The following PALM2AKAP2 variants were observed in gnomAD, a reference collection of about 807,000 sequenced individuals.
PALM2AKAP2 encodes PALM2-AKAP2 fusion protein.
Under a neutral mutation model 71.5 loss-of-function variants are expected in PALM2AKAP2, and 37 were observed. The ratio of observed to expected loss-of-function variants is 0.52; its 90% CI spans 0.40 to 0.68. The LOEUF is 0.68. Among genes scored for constraint, PALM2AKAP2 ranks in the 30% least tolerant of loss-of-function variants. The pLI, the probability that PALM2AKAP2 is intolerant of heterozygous loss-of-function variation, is 0.00. For missense variants in PALM2AKAP2, 1,224 were observed against 1,191.8 expected (o/e 1.03, Z -0.40); for synonymous variants, 468 against 478.8 (o/e 0.98, Z 0.29).
intron 6 of PALM2AKAP2, among the ~76,000 whole-genome samples, chr9:110,000,495 C>A (rs1225156592): frequency 2.0e-5 from 3 of 152,132 alleles, no homozygotes; most frequent in African/African-American, 7.2e-5. Context: ...GTCTTTATAG[C>A]AGCATGATTT....
At chr9:109,881,859 T>G (rs1464628838) in intron 3 of PALM2AKAP2, among the ~76,000 whole-genome samples, 1 of 148,708 alleles carries the variant, frequency 6.7e-6, no homozygotes, top group Non-Finnish European at 1.5e-5. Flanking sequence ...CATCTCTGTC[T>G]TCTGAGCTTA....
intron 1 of PALM2AKAP2, among the ~76,000 whole-genome samples, chr9:109,755,195 A>G (rs1206057893): frequency 6.6e-6 from 1 of 152,066 alleles, no homozygotes; most frequent in African/African-American, 2.4e-5. Context: ...AATGTAAACC[A>G]GAAAATGCCA....
At chr9:109,650,760 T>C in intron 1 of PALM2AKAP2, among the ~76,000 whole-genome samples, 1 of 152,156 alleles carries the variant, frequency 6.6e-6, no homozygotes, top group Non-Finnish European at 1.5e-5. Context: ...CAATTTTTCC[T>C]TCTTTTAGTT....
Position 109,693,403 on chromosome 9 carries a change from G to T in PALM2AKAP2, c.5+52537G>T, listed in dbSNP as rs80182023. 2.2e-4 allele frequency among the ~76,000 whole-genome samples: 34 copies of T among 151,916 alleles called. No individual in the cohort carries two copies. In the East Asian group the frequency reaches 5.2e-3, roughly 23 times the overall value. On this transcript the variant is annotated intron_variant, in intron 1 of 6. Transcript: ENST00000374531. ...TATCAATTTTGCTGACTTTTTCAAA[G>T]AACTGTAATTGATTTGCTTTATTTT...
At chr9:109,661,976 A>G (rs1019900852) in intron 1 of PALM2AKAP2, among the ~76,000 whole-genome samples, 2 of 151,456 alleles carry the variant, frequency 1.3e-5, no homozygotes, top group African/African-American at 4.9e-5. Flanking sequence ...TTGTCTGTTA[A>G]TGGTGTATAA....
intron 5 of PALM2AKAP2, among the ~76,000 whole-genome samples, chr9:109,931,074 G>A (rs1831089773): frequency 6.6e-6 from 1 of 152,208 alleles, no homozygotes; most frequent in African/African-American, 2.4e-5. Context: ...ATGGTGCCCA[G>A]CTTTCCGGAA....
At chr9:109,718,249 T>A (rs1180602127) in intron 1 of PALM2AKAP2, among the ~76,000 whole-genome samples, 5 of 151,978 alleles carry the variant, frequency 3.3e-5, no homozygotes, top group African/African-American at 1.2e-4. Flanking sequence ...CCTGCCTAAT[T>A]TTTTTGTATT....
intron 1 of PALM2AKAP2, among the ~76,000 whole-genome samples, chr9:109,704,117 T>G (rs773113141): frequency 6.6e-6 from 1 of 151,966 alleles, no homozygotes; most frequent in African/African-American, 2.4e-5. Flanking sequence ...ACTGGGAGCT[T>G]GAGATGGAGT....
intron 1 of PALM2AKAP2, among the ~76,000 whole-genome samples, chr9:109,664,303 G>T (rs1827444308): frequency 6.6e-6 from 1 of 152,128 alleles, no homozygotes; most frequent in African/African-American, 2.4e-5. Context: ...TTACAGTTTT[G>T]CCTGTTTTTG....
upstream of PALM2AKAP2, among the ~76,000 whole-genome samples, chr9:110,046,464 CTTT>C (rs10601764): frequency 1.2e-3 from 130 of 104,670 alleles, no homozygotes; most frequent in Middle Eastern, 0.011. Context: ...GATTGCTTTA[CTTT>C]TTTTTTTTTT....
At chr9:109,641,444 C>G (rs896495385) in intron 1 of PALM2AKAP2, among the ~76,000 whole-genome samples, 1 of 152,178 alleles carries the variant, frequency 6.6e-6, no homozygotes, top group Non-Finnish European at 1.5e-5. Flanking sequence ...GGCGGCAGCC[C>G]GGAGTGGAAT....
At chr9:109,886,500 G>T (rs1375378232) in intron 3 of PALM2AKAP2, among the ~76,000 whole-genome samples, 1 of 152,210 alleles carries the variant, frequency 6.6e-6, no homozygotes, top group African/African-American at 2.4e-5. Context: ...AACCTTATCA[G>T]TTGGGGGCAG....
chr9:109,646,131 G>A (rs1827149980), intron 1 of PALM2AKAP2, among the ~76,000 whole-genome samples: 1 of 152,092 alleles, frequency 6.6e-6, no homozygotes, highest in African/African-American at 2.4e-5. Flanking sequence ...AAGACCTACT[G>A]GAAAACCAGA....
chr9:109,969,532 G>A (rs957490763), intron 6 of PALM2AKAP2, among the ~76,000 whole-genome samples: 13 of 152,200 alleles, frequency 8.5e-5, no homozygotes, highest in African/African-American at 2.7e-4. Flanking sequence ...AAACTCAGTC[G>A]TTCACGGGGC....
chr9:110,004,428 G>T (rs1832739680), intron 6 of PALM2AKAP2, among the ~76,000 whole-genome samples: 1 of 152,116 alleles, frequency 6.6e-6, no homozygotes, highest in South Asian at 2.1e-4. Flanking sequence ...TCCCTTTGTG[G>T]GTAACCTGAC....
intron 1 of PALM2AKAP2, among the ~76,000 whole-genome samples, chr9:109,755,530 G>T (rs976242475): frequency 6.6e-6 from 1 of 152,090 alleles, no homozygotes; most frequent in Non-Finnish European, 1.5e-5. Context: ...CCCACAGCCA[G>T]GTGTGGTCGC....
chr9:109,763,437 T>TGACCCTAGGTCAAATACCTAAC (rs1829093180), intron 1 of PALM2AKAP2, among the ~76,000 whole-genome samples: 2 of 152,184 alleles, frequency 1.3e-5, no homozygotes, highest in Admixed American at 1.3e-4. Context: ...TGTGCCTCAG[T>TGACCCTAGGTCAAATACCTAAC]TTCTTCATCT....
At chr9:109,868,339 A>G (rs1407106852) in intron 2 of PALM2AKAP2, among the ~76,000 whole-genome samples, 4 of 152,214 alleles carry the variant, frequency 2.6e-5, no homozygotes, top group Non-Finnish European at 4.4e-5. Context: ...ACATGTTCAG[A>G]GAATAATGTG....
At chr9:109,869,706 G>A (rs183582272) in intron 2 of PALM2AKAP2, among the ~76,000 whole-genome samples, 2 of 130,466 alleles carry the variant, frequency 1.5e-5, no homozygotes, top group East Asian at 4.5e-4. Context: ...AAATTAACTT[G>A]GTCTTGTATG....
Sources: gnomAD v4.1 joint callset for allele counts (sites outside exome capture counted in the v4.1 genomes callset) on GRCh38, gnomAD v4.1.1 for gene constraint, MANE v1.5 for transcripts, NCBI Gene and HGNC (gene_info 2026-07-23, HGNC 2026-07-21) for gene names.